The following UGT1A8 variants were observed in gnomAD, a reference collection of about 807,000 sequenced individuals.
UGT1A8 encodes UDP glucuronosyltransferase family 1 member A8, also known as UDP-glucuronosyltransferase 1A8.
A neutral mutation model predicts 45.3 loss-of-function variants in UGT1A8; 39 were observed. The ratio of observed to expected loss-of-function variants is 0.86; its 90% CI spans 0.67 to 1.12. UGT1A8 has a LOEUF of 1.12. Ranked by LOEUF, UGT1A8 falls within the 50% of genes most tolerant of loss-of-function variation. The probability of loss-of-function intolerance (pLI) is 0.00; values close to 1 mark genes in which losing one functional copy is unlikely to be tolerated. For synonymous variants in UGT1A8, 275 were observed against 249.2 expected (o/e 1.10, Z -0.97); for missense variants, 719 against 664.9 (o/e 1.08, Z -0.90).
chr2:233,725,264 G>GGAGGCAGAGGCAGAGGAGGCA (rs2077414682), intron 1 of UGT1A8, among the ~76,000 whole-genome samples: 1 of 58,548 alleles, frequency 1.7e-5, no homozygotes, highest in Admixed American at 1.5e-4. Context: ...CAGAGGCAGA[G>GGAGGCAGAGGCAGAGGAGGCA]GAGGCAGAGG....
chr2:233,649,431 C>A (rs1284552198), intron 1 of UGT1A8, among the ~76,000 whole-genome samples: 1 of 152,178 alleles, frequency 6.6e-6, no homozygotes, highest in East Asian at 1.9e-4. Flanking sequence ...CTAACCTGTA[C>A]TACCTGCTGC....
intron 1 of UGT1A8, among the ~76,000 whole-genome samples, chr2:233,621,563 C>A (rs1463431220): frequency 2.0e-5 from 3 of 152,138 alleles, no homozygotes; most frequent in Non-Finnish European, 1.5e-5. Flanking sequence ...TTGTTTACTT[C>A]AAGTATTTAT....
intron 1 of UGT1A8, among the ~76,000 whole-genome samples, chr2:233,707,313 A>G (rs1246275498): frequency 6.6e-6 from 1 of 152,146 alleles, no homozygotes; most frequent in African/African-American, 2.4e-5. Context: ...TTTGTTACAT[A>G]GCTAAACATG....
intron 1 of UGT1A8, among the ~76,000 whole-genome samples, chr2:233,746,568 A>G (rs1299748110): frequency 6.6e-6 from 1 of 151,704 alleles, no homozygotes; most frequent in Non-Finnish European, 1.5e-5. Flanking sequence ...AGAGCACCAC[A>G]CCCTGTAATT....
chr2:233,729,232 A>T, intron 1 of UGT1A8: 1 of 1,614,202 alleles, frequency 6.2e-7, no homozygotes, highest in African/African-American at 1.3e-5. Flanking sequence ...GGTGGTGCCC[A>T]TTGATGGCAG....
At chr2:233,630,557 A>G (rs1363302716) in intron 1 of UGT1A8, among the ~76,000 whole-genome samples, 1 of 152,120 alleles carries the variant, frequency 6.6e-6, no homozygotes, top group Non-Finnish European at 1.5e-5. Flanking sequence ...AAAGAGGTTT[A>G]ATTGGCTCAC....
intron 1 of UGT1A8, chr2:233,750,763 G>T (rs1694554656): frequency 6.6e-6 from 1 of 152,010 alleles, no homozygotes; most frequent in East Asian, 1.9e-4. Context: ...CATCGATGTG[G>T]TGTTGGGCCT....
At chr2:233,756,599 C>A (rs1235444943) in intron 1 of UGT1A8, among the ~76,000 whole-genome samples, 2 of 152,080 alleles carry the variant, frequency 1.3e-5, no homozygotes, top group Non-Finnish European at 2.9e-5. Flanking sequence ...TTTACTGTAT[C>A]GAAACCATTA....
At chr2:233,735,346 T>A (rs559111340) in intron 1 of UGT1A8, among the ~76,000 whole-genome samples, 5 of 152,212 alleles carry the variant, frequency 3.3e-5, no homozygotes, top group African/African-American at 1.2e-4. Context: ...GCTTTTTTTT[T>A]GCTTTCCATT....
At chr2:233,662,858 C>A (rs1390795177) in intron 1 of UGT1A8, among the ~76,000 whole-genome samples, 2 of 147,992 alleles carry the variant, frequency 1.4e-5, no homozygotes, top group African/African-American at 5.0e-5. Flanking sequence ...TGGACTCTGT[C>A]AAACACTTTT....
intron 1 of UGT1A8, among the ~76,000 whole-genome samples, chr2:233,681,673 C>T (rs2074533859): frequency 6.6e-6 from 1 of 151,820 alleles, no homozygotes; most frequent in South Asian, 2.1e-4. Flanking sequence ...TGTTTCTAAA[C>T]TCATATTGCA....
intron 1 of UGT1A8, among the ~76,000 whole-genome samples, chr2:233,757,560 A>ATT (rs904896556): frequency 8.1e-6 from 1 of 123,146 alleles, no homozygotes; most frequent in African/African-American, 3.4e-5. Flanking sequence ...ATATATATAT[A>ATT]TGTATATATG....
chr2:233,694,000 G>C, intron 1 of UGT1A8: 3 of 1,484,472 alleles, frequency 2.0e-6, no homozygotes, highest in Non-Finnish European at 2.7e-6. Context: ...TACCCGGCTC[G>C]GAGCAGCGGG....
intron 1 of UGT1A8, chr2:233,729,500 A>G (rs761749165): frequency 6.2e-7 from 1 of 1,614,228 alleles, no homozygotes; most frequent in African/African-American, 1.3e-5. Flanking sequence ...TTGGTCTATC[A>G]TAGGTCTTGT....
chr2:233,729,850 G>A (rs916795505), intron 1 of UGT1A8: 7 of 1,613,752 alleles, frequency 4.3e-6, no homozygotes, highest in African/African-American at 1.3e-5. Context: ...TTTTCAGAGA[G>A]AGGTGTCAGT....
chr2:233,677,523 T>A (rs1347781617), intron 1 of UGT1A8, among the ~76,000 whole-genome samples: 1 of 152,126 alleles, frequency 6.6e-6, no homozygotes, highest in Non-Finnish European at 1.5e-5. Context: ...ATTATGACAA[T>A]GCAGCTAGCT....
chr2:233,734,616 T>C (rs2078540988), intron 1 of UGT1A8, among the ~76,000 whole-genome samples: 1 of 152,220 alleles, frequency 6.6e-6, no homozygotes, highest in Admixed American at 6.5e-5. Context: ...AGTGTGTTGA[T>C]TTTAGATCTT....
intron 1 of UGT1A8, among the ~76,000 whole-genome samples, chr2:233,668,805 C>G (rs545035875): frequency 5.5e-4 from 84 of 152,300 alleles, no homozygotes; most frequent in Admixed American, 3.8e-3. Context: ...TAATTTTTAC[C>G]TAATGTCCTT....
intron 1 of UGT1A8, among the ~76,000 whole-genome samples, chr2:233,656,637 A>C (rs11892031): frequency 0.11 from 16,059 of 152,188 alleles, 978 homozygotes; most frequent in African/African-American, 0.17. Context: ...AAGTCCACTG[A>C]GTCCATCTCA....
Sources: allele counts gnomAD v4.1 joint callset (sites outside exome capture counted in the v4.1 genomes callset), GRCh38; gene constraint gnomAD v4.1.1; transcripts MANE v1.5; gene names NCBI Gene and HGNC (gene_info 2026-07-23, HGNC 2026-07-21).